The following GFUS variants were observed in gnomAD, a reference collection of about 807,000 sequenced individuals.
GFUS encodes the protein 3-5 epimerase/4-reductase.
GFUS carries 42 observed loss-of-function variants against 41.5 expected under a neutral mutation model. That is an observed-to-expected ratio of 1.01 (90% confidence interval 0.79 to 1.31). The LOEUF is 1.31. Among genes scored for constraint, GFUS ranks in the 50% most tolerant of loss-of-function variants. GFUS has a pLI of 0.00. For missense variants in GFUS, 437 were observed against 428.7 expected, an observed-to-expected ratio of 1.02 and a Z score of -0.17; for synonymous variants, 188 against 173.4, an observed-to-expected ratio of 1.08 and a Z score of -0.66.
intron 2 of GFUS, 49 bp downstream of exon 2, chr8:143,616,517 TG>T: frequency 1.2e-6 from 2 of 1,611,846 alleles, no homozygotes; most frequent in East Asian, 2.2e-5. Context: ...AGTTCTAGGG[TG>T]GGGGGTAGGA....
In GFUS at chr8:143,614,886, G is replaced by A; in HGVS notation, c.291C>T (p.Val97=). The A allele has an allele frequency of 1.2e-6, 2 of 1,612,224 alleles. No homozygotes were observed. The highest frequency in any genetic ancestry group is 1.7e-5 in the Admixed American group (1 of 59,946). The change falls in exon 4 of 11, where the codon GTC becomes GTT. Residue 97 remains valine (V), a synonymous_variant. Transcript: ENST00000425753. ...CGCCCACCTCAAAGGCCGAGTGCAG[G>A]ACGTTGTCGTTCATGTGCACGTTTT... ...WRKNVHMNDN[V]LHSAFEVGAR... is the part of the protein sequence containing the mutation.
At chr8:143,615,023 G>A in intron 3 of GFUS, 108 bp from the exon 4 acceptor site, 4 of 1,489,322 alleles carry the variant, frequency 2.7e-6, no homozygotes, top group Non-Finnish European at 2.7e-6. Flanking sequence ...TCAGCCCTGG[G>A]AGGACCCAAG....
At chr8:143,613,855 T>C (rs1022423950) in intron 7 of GFUS, 38 bp from the exon 8 acceptor site, 1 of 1,548,014 alleles carries the variant, frequency 6.5e-7, no homozygotes, top group African/African-American at 1.4e-5. Context: ...ACCATGGGTA[T>C]AGCCAACCCT....
Position 143,613,303 on chromosome 8 carries a change from CT to C in GFUS, c.811-9del. On this transcript the variant is annotated splice_polypyrimidine_tract_variant and intron_variant, in intron 9 of 10. Coordinates refer to ENST00000425753, the MANE Select transcript of GFUS (RefSeq NM_003313.4). ...CGACTTGGTTGTATCAAACTGGAGG[CT>C]TTGTCAAGGCCACAGCGAGAAGAGC... 1.2e-6 allele frequency: 2 copies of C among 1,613,662 alleles called. No individual in the cohort carries two copies. The highest frequency in any genetic ancestry group is 2.2e-5 in the South Asian group (2 of 91,080).
Position 143,616,578 on chromosome 8 carries a change from GTCTT to G in GFUS, c.131_134del (p.Lys44ThrfsTer49). The G allele has an allele frequency of 6.2e-7, 1 of 1,613,824 alleles. No homozygotes were observed. The highest frequency in any genetic ancestry group is 8.5e-7 in the Non-Finnish European group (1 of 1,179,956). Reference sequence around the variant, plus strand: ...ATGGGCTCACTCACGTGAGATCGGCGTCTTTAGAGGAGACAAACACCCAGTCCTC... The same window carrying G: ...ATGGGCTCACTCACGTGAGATCGGCGTAGAGGAGACAAACACCCAGTCCTC... On this transcript the variant is annotated frameshift_variant, in exon 2 of 11. Transcript: ENST00000425753. LOFTEE classifies it high-confidence loss of function.
rs2242086 is a variant in GFUS, at chr8:143,613,329, C to A, written c.811-34G>T. On this transcript the variant is annotated intron_variant, in intron 9 of 10. Transcript: ENST00000425753. ...TTTGTCAAGGCCACAGCGAGAAGAG[C>A]ACCTCCACCCCAGCCCCCGCAGCTT... 329,060 of 1,596,078 alleles carry A rather than the reference C, an allele frequency of 0.21. 38,516 individuals are homozygous for A. Among genetic ancestry groups the A allele is most frequent in the East Asian group, 0.53 (23,533 of 44,786 alleles).
rs1378031013 is a variant in GFUS at position 143,615,689 on chromosome 8, G to A, written c.261+417C>T. Reference sequence around the variant, plus strand: ...GACACAGGCAGCAGATGCACAGAGCGCGGTTCACACCCCTGCACCCCAGAG... The same window carrying A: ...GACACAGGCAGCAGATGCACAGAGCACGGTTCACACCCCTGCACCCCAGAG... On this transcript the variant is annotated intron_variant, in intron 3 of 10. Transcript: ENST00000425753. Among the ~76,000 whole-genome samples the A allele has an allele frequency of 2.0e-5, 3 of 152,298 alleles. No individual in the cohort carries two copies. In the South Asian group the frequency reaches 6.2e-4, roughly 32 times the overall value.
intron 3 of GFUS, among the ~76,000 whole-genome samples, chr8:143,615,631 G>A (rs982589938): frequency 6.6e-6 from 1 of 152,142 alleles, no homozygotes; most frequent in Non-Finnish European, 1.5e-5. Context: ...AGCTAGCCAC[G>A]GCAGGGCCCT....
rs367984069 is a variant in GFUS, at chr8:143,614,375, G to A, written c.543C>T (p.Asn181=). 67 of 1,613,846 alleles carry A rather than the reference G, an allele frequency of 4.2e-5. No homozygotes were observed. The Middle Eastern group carries it at 6.6e-4, about 16-fold the overall frequency. Residue 181 remains asparagine, a synonymous_variant, in exon 6 of 11, where the codon AAC becomes AAT. Coordinates refer to ENST00000425753, the MANE Select transcript of GFUS (RefSeq NM_003313.4). ...TNVFGPHDNF[N]IEDGHVLPGL... is the part of the protein sequence containing the mutation. Reference sequence around the variant, plus strand: ...CAGGCAGCACGTGGCCATCCTCGATGTTGAAGTTGTCGTGGGGCCCGAAGA... The same window carrying A: ...CAGGCAGCACGTGGCCATCCTCGATATTGAAGTTGTCGTGGGGCCCGAAGA...
intron 3 of GFUS, among the ~76,000 whole-genome samples, chr8:143,615,679 T>C (rs1829707168): frequency 6.6e-6 from 1 of 152,136 alleles, no homozygotes; most frequent in African/African-American, 2.4e-5. Flanking sequence ...AGGCAGCAGA[T>C]GCACAGAGCG....
chr8:143,612,893 G>A lies in GFUS; in HGVS notation c.*17C>T, dbSNP rs961350912. ...GCCAGCCGATGGTCCGCTGGCACCT[G>A]ATCCTGTCTTCCAGCTTCACTTCCG... On this transcript the variant is annotated 3_prime_UTR_variant, in exon 11 of 11. Transcript: ENST00000425753. 2 of 1,602,572 alleles carry A rather than the reference G, an allele frequency of 1.2e-6. No homozygotes were observed. Among genetic ancestry groups the A allele is most frequent in the Non-Finnish European group, 1.7e-6 (2 of 1,175,666 alleles).
chr8:143,613,919 C>A (rs1490150667), intron 7 of GFUS, 102 bp from the exon 8 acceptor site: 1 of 1,344,948 alleles, frequency 7.4e-7, no homozygotes, highest in Admixed American at 2.0e-5. Context: ...TCAGTGGGGG[C>A]TCAGCCTGGG....
chr8:143,616,022 C>T (rs556221030), intron 3 of GFUS, 84 bp downstream of exon 3: 1 of 1,168,596 alleles, frequency 8.6e-7, no homozygotes, highest in South Asian at 1.4e-5. Flanking sequence ...GGAATGTGGG[C>T]CTGTGAGAGT....
rs1286026201 is a variant in GFUS at position 143,616,668 on chromosome 8, G to A, written c.45C>T (p.Gly15=). 1 of 1,613,834 alleles carries A rather than the reference G, an allele frequency of 6.2e-7. No homozygotes were observed. Among genetic ancestry groups the A allele is most frequent in the South Asian group, 1.1e-5 (1 of 91,088 alleles). ...GGATGGCTTTGCCTACCAGCCCAGA[G>A]CCCCCTGTCACTAGAATCCGCATGG... ...QGSMRILVTG[G]SGLVGKAIQK... is the part of the protein sequence containing the mutation. Residue 15 remains glycine (G), a synonymous_variant, in exon 2 of 11, where the codon GGC becomes GGT. Transcript: ENST00000425753.
At chr8:143,613,103 G>C (rs1212893912) in intron 10 of GFUS, 93 bp downstream of exon 10, 1 of 1,536,956 alleles carries the variant, frequency 6.5e-7, no homozygotes, top group Non-Finnish European at 9.0e-7. Flanking sequence ...TACAGGCTCT[G>C]AGGGGGCACC....
At chr8:143,614,260 G>A (rs758432467) in intron 6 of GFUS, 32 bp from the exon 7 acceptor site, 8 of 1,613,644 alleles carry the variant, frequency 5.0e-6, no homozygotes, top group East Asian at 4.5e-5. Context: ...AGGTGTCAGA[G>A]GCACTGGGTC....
rs374964965 is a variant in GFUS at position 143,614,585 on chromosome 8, C to T, written c.464+39G>A. On this transcript the variant is annotated intron_variant, in intron 5 of 10. Coordinates refer to ENST00000425753, the MANE Select transcript of GFUS (RefSeq NM_003313.4). ...CACCCGCCCCTGGGGGCCCTCTCCC[C>T]GACTCCTGGCTGGGCCTCAGCAGGA... 2.9e-5 allele frequency: 46 copies of T among 1,562,776 alleles called. No individual in the cohort carries two copies. The African/African-American group carries it at 3.4e-4, about 11-fold the overall frequency.
At chr8:143,615,296 C>G (rs7844633) in intron 3 of GFUS, among the ~76,000 whole-genome samples, 1 of 152,030 alleles carries the variant, frequency 6.6e-6, no homozygotes, top group Admixed American at 6.5e-5. Flanking sequence ...ACTTCCCCAC[C>G]CTGGAGGAGC....
rs1829617228 is a variant in GFUS, at chr8:143,613,094, A to G, written c.910+102T>C. 5.0e-5 allele frequency: 77 copies of G among 1,536,876 alleles called. No individual in the cohort carries two copies. In the South Asian group the frequency reaches 6.8e-4, roughly 14 times the overall value. On this transcript the variant is annotated intron_variant, in intron 10 of 10. Transcript: ENST00000425753. Reference sequence around the variant, plus strand: ...TTTGGTGTCCCACCTCCAGGGCAGTACAGGCTCTGAGGGGGCACCTCACCT... The same window carrying G: ...TTTGGTGTCCCACCTCCAGGGCAGTGCAGGCTCTGAGGGGGCACCTCACCT...
Sources: allele counts gnomAD v4.1 joint callset (sites outside exome capture counted in the v4.1 genomes callset), GRCh38; gene constraint gnomAD v4.1.1; transcripts MANE v1.5; gene names NCBI Gene and HGNC (gene_info 2026-07-23, HGNC 2026-07-21).